DIAPH3: variants seen among roughly 807,000 people sequenced by gnomAD.
DIAPH3 encodes the protein diaphanous related formin 3.
DIAPH3 carries 117 observed loss-of-function variants against 144.3 expected under a neutral mutation model. That is an observed-to-expected ratio of 0.81 (90% CI 0.70 to 0.95). The LOEUF (loss-of-function observed/expected upper bound fraction) is 0.95, where lower values mean the gene tolerates loss of function less well. Ranked by LOEUF, DIAPH3 falls within the 40% of genes least tolerant of loss-of-function variation. The pLI is 0.00. For missense variants in DIAPH3, 1,421 were observed against 1,412.7 expected (o/e 1.01, Z -0.09); for synonymous variants, 519 against 488.9 (o/e 1.06, Z -0.81).
At chr13:59,668,510 T>C (rs983964494) in intron 27 of DIAPH3, among the ~76,000 whole-genome samples, 4 of 152,136 alleles carry the variant, frequency 2.6e-5, no homozygotes, top group Non-Finnish European at 5.9e-5. Context: ...GAATATGAAA[T>C]GTGTGTGTGC....
intron 1 of DIAPH3, among the ~76,000 whole-genome samples, chr13:60,142,554 TC>T (rs1435185716): frequency 6.6e-6 from 1 of 151,300 alleles, no homozygotes; most frequent in African/African-American, 2.4e-5. Context: ...CCCTAAGGAG[TC>T]CCCCCAAGAG....
chr13:60,054,900 A>G (rs1270149548), intron 4 of DIAPH3, among the ~76,000 whole-genome samples: 1 of 151,998 alleles, frequency 6.6e-6, no homozygotes, highest in Admixed American at 6.6e-5. Flanking sequence ...CAGTGCCAAT[A>G]AAATCTGTTA....
chr13:60,151,805 G>C (rs1951801631), intron 1 of DIAPH3, among the ~76,000 whole-genome samples: 1 of 152,116 alleles, frequency 6.6e-6, no homozygotes, highest in Admixed American at 6.6e-5. Flanking sequence ...TTTAATTGGA[G>C]ACCGTCACCT....
intron 27 of DIAPH3, among the ~76,000 whole-genome samples, chr13:59,719,759 T>C (rs1044207906): frequency 1.3e-5 from 2 of 152,022 alleles, no homozygotes; most frequent in African/African-American, 2.4e-5. Flanking sequence ...AGCGGTGAAA[T>C]TGGACTGAGA....
intron 25 of DIAPH3, among the ~76,000 whole-genome samples, chr13:59,807,226 A>G (rs2040245080): frequency 6.6e-6 from 1 of 151,990 alleles, no homozygotes; most frequent in Admixed American, 6.6e-5. Context: ...GACCATCATC[A>G]TCATTTATTG....
chr13:59,705,657 T>G (rs1046504474), intron 27 of DIAPH3, among the ~76,000 whole-genome samples: 1 of 152,356 alleles, frequency 6.6e-6, no homozygotes, highest in African/African-American at 2.4e-5. Context: ...TACGTTAGTG[T>G]TTTCTTTCAT....
intron 27 of DIAPH3, among the ~76,000 whole-genome samples, chr13:59,678,618 C>T (rs189263176): frequency 7.2e-5 from 11 of 152,146 alleles, no homozygotes; most frequent in Non-Finnish European, 1.6e-4. Flanking sequence ...TTTTCCATTC[C>T]GAAAAAGAAA....
intron 19 of DIAPH3, among the ~76,000 whole-genome samples, chr13:59,915,898 TAAAC>T (rs1452312598): frequency 2.0e-5 from 3 of 152,098 alleles, no homozygotes. Context: ...AATGTAAAAT[TAAAC>T]AATTTGCTTT....
At chr13:60,144,155 A>T (rs914712533) in intron 1 of DIAPH3, among the ~76,000 whole-genome samples, 1 of 152,140 alleles carries the variant, frequency 6.6e-6, no homozygotes. Flanking sequence ...CATTTTAGGC[A>T]GTGGTTATCA....
intron 27 of DIAPH3, among the ~76,000 whole-genome samples, chr13:59,679,555 T>C (rs1342772241): frequency 6.6e-6 from 1 of 152,184 alleles, no homozygotes; most frequent in Admixed American, 6.5e-5. Flanking sequence ...AGAAAGAAAT[T>C]AGAGTATAGT....
chr13:60,100,083 T>C (rs1041011913), intron 3 of DIAPH3, among the ~76,000 whole-genome samples: 4 of 152,140 alleles, frequency 2.6e-5, no homozygotes, highest in Non-Finnish European at 4.4e-5. Flanking sequence ...GCAAAATAAA[T>C]TGAGGAGATA....
At chr13:60,000,173 T>G (rs899161675) in intron 9 of DIAPH3, among the ~76,000 whole-genome samples, 12 of 152,174 alleles carry the variant, frequency 7.9e-5, no homozygotes, top group African/African-American at 2.9e-4. Context: ...CTGGATTATA[T>G]TCCTTGCTTT....
At chr13:60,086,406 C>T (rs957993657) in intron 4 of DIAPH3, among the ~76,000 whole-genome samples, 5 of 152,036 alleles carry the variant, frequency 3.3e-5, no homozygotes, top group Non-Finnish European at 7.4e-5. Flanking sequence ...ATACTCTTAA[C>T]AAGAAATCGG....
rs1391330663 is a variant in DIAPH3, at chr13:59,714,279, G to C, written c.3320-47433C>G. Among the ~76,000 whole-genome samples, 66 of 149,616 alleles carry C rather than the reference G, an allele frequency of 4.4e-4. 1 individual carries two copies. Among genetic ancestry groups the C allele is most frequent in the Non-Finnish European group, 7.9e-4 (53 of 67,316 alleles). ...GGAGGCTGAGGCAGGAGAATGGCGT[G>C]AACCCGGGAGGCGGAGCTTGCAGTG... On this transcript the variant is annotated intron_variant, in intron 27 of 27. Coordinates refer to ENST00000400324, the MANE Select transcript of DIAPH3 (RefSeq NM_001042517.2).
At chr13:60,020,383 C>T (rs1395841219) in intron 5 of DIAPH3, among the ~76,000 whole-genome samples, 1 of 152,066 alleles carries the variant, frequency 6.6e-6, no homozygotes, top group Non-Finnish European at 1.5e-5. Flanking sequence ...GATAATAAAA[C>T]CAAAGACAGG....
At chr13:59,841,053 A>T (rs903994949) in intron 22 of DIAPH3, among the ~76,000 whole-genome samples, 2 of 151,986 alleles carry the variant, frequency 1.3e-5, no homozygotes, top group Non-Finnish European at 2.9e-5. Context: ...ATTATCCACA[A>T]CCAAGATTCT....
intron 25 of DIAPH3, among the ~76,000 whole-genome samples, chr13:59,785,205 G>A (rs943565051): frequency 2.6e-5 from 4 of 151,996 alleles, no homozygotes; most frequent in Non-Finnish European, 5.9e-5. Context: ...ACAAGAAGTG[G>A]AATTTTATGG....
At chr13:59,668,543 G>A (rs930840776) in intron 27 of DIAPH3, among the ~76,000 whole-genome samples, 1 of 152,132 alleles carries the variant, frequency 6.6e-6, no homozygotes, top group Non-Finnish European at 1.5e-5. Context: ...GTCCATGTAT[G>A]CACTCCAAGA....
chr13:60,048,036 G>A (rs535776484), intron 4 of DIAPH3, among the ~76,000 whole-genome samples: 5 of 152,298 alleles, frequency 3.3e-5, no homozygotes, highest in Middle Eastern at 3.4e-3. Context: ...CCAGTCGCAC[G>A]GGGACAATGC....
Sources: allele counts gnomAD v4.1 joint callset (sites outside exome capture counted in the v4.1 genomes callset), GRCh38; gene constraint gnomAD v4.1.1; transcripts MANE v1.5; gene names NCBI Gene and HGNC (gene_info 2026-07-23, HGNC 2026-07-21).